The following RPS6KA4 variants were observed in gnomAD, a reference collection of about 807,000 sequenced individuals.
RPS6KA4 encodes ribosomal protein S6 kinase alpha-4.
Under a neutral mutation model 89.6 loss-of-function variants are expected in RPS6KA4, and 38 were observed. The observed-to-expected ratio is 0.42, with a 90% CI of 0.33 to 0.56. The LOEUF (loss-of-function observed/expected upper bound fraction) is 0.56, where lower values mean the gene tolerates loss of function less well. Ranked by LOEUF, RPS6KA4 falls within the 20% of genes least tolerant of loss-of-function variation. RPS6KA4 has a pLI of 0.07. For missense variants in RPS6KA4, 873 were observed against 1,098.8 expected, an observed-to-expected ratio of 0.79 and a Z score of 2.90; for synonymous variants, 495 against 492.8, an observed-to-expected ratio of 1.00 and a Z score of -0.06.
At chr11:64,368,887 G>A in intron 12 of RPS6KA4, 90 bp downstream of exon 12, 14 of 1,243,976 alleles carry the variant, frequency 1.1e-5, no homozygotes, top group Non-Finnish European at 1.5e-5. Context: ...GGGTGAATTG[G>A]GCGGGGCCTA....
At chr11:64,368,657 C>A in intron 11 of RPS6KA4, 47 bp from the exon 12 acceptor site, 1 of 1,572,034 alleles carries the variant, frequency 6.4e-7, no homozygotes. Context: ...GTCCCGGGGG[C>A]GGGGCCGAAG....
rs1239878372 is a variant in RPS6KA4 at position 64,368,597 on chromosome 11, C to G, written c.1330C>G (p.Arg444Gly). ...GGAGTTCGCAGTCAAGATCCTCAGT[C>G]GCAGGTGGGAGGGCCCAGGCGCGGG... ...GQEFAVKILSRRLEANTQREV... is the reference protein window; with the variant it reads ...GQEFAVKILSGRLEANTQREV... Residue 444 changes from arginine (R) to glycine (G), a missense_variant, in exon 11 of 17, where the codon CGC becomes GGC. Arg to Gly is a moderately radical substitution (Grantham distance 125, BLOSUM62 -2). Coordinates refer to ENST00000334205, the MANE Select transcript of RPS6KA4 (RefSeq NM_003942.3). The G allele has an allele frequency of 6.3e-7, 1 of 1,598,922 alleles. No homozygotes were observed. Among genetic ancestry groups the G allele is most frequent in the African/African-American group, 1.3e-5 (1 of 74,742 alleles).
At chr11:64,368,860 C>A in intron 12 of RPS6KA4, 63 bp downstream of exon 12, 2 of 1,416,998 alleles carry the variant, frequency 1.4e-6, no homozygotes, top group Non-Finnish European at 1.9e-6. Flanking sequence ...CTTGGGGGCA[C>A]TATGGGCGGG....
At chr11:64,365,527 C>T (rs923921659) in intron 9 of RPS6KA4, 62 bp downstream of exon 9, 3 of 1,584,140 alleles carry the variant, frequency 1.9e-6, no homozygotes, top group African/African-American at 2.7e-5. Flanking sequence ...CTGCCTCAGC[C>T]CTGGCTGGCC....
chr11:64,371,494 G>T lies in RPS6KA4; in HGVS notation c.*14G>T. 9.8e-7 allele frequency: 1 copy of T among 1,023,960 alleles called. No homozygotes were observed. Among genetic ancestry groups the T allele is most frequent in the South Asian group, 1.5e-5 (1 of 67,930 alleles). The allele number at this position is 1,023,960 out of a possible 1,614,324, so 63.4% of individuals were successfully genotyped here. A position where few individuals can be genotyped will look rare whatever the true frequency, so the allele number is the denominator to read the frequency against. ...CCCCCCTCCTAATCCCCACCACTGT[G>T]ACCCCCTTCCCTCATAGGGGCTGTG... On this transcript the variant is annotated 3_prime_UTR_variant, in exon 17 of 17. Transcript: ENST00000334205.
At chr11:64,368,935 A>C (rs950974848) in intron 12 of RPS6KA4, 138 bp downstream of exon 12, 1 of 793,618 alleles carries the variant, frequency 1.3e-6, no homozygotes, top group Non-Finnish European at 2.0e-6. Context: ...AGGGAGGCGC[A>C]GGGAGTGGAA....
Position 64,370,122 on chromosome 11 carries a change from C to T in RPS6KA4, c.1798-103C>T. 1 of 1,369,572 alleles carries T rather than the reference C, an allele frequency of 7.3e-7. No homozygotes were observed. The highest frequency in any genetic ancestry group is 9.8e-7 in the Non-Finnish European group (1 of 1,019,886). The allele number at this position is 1,369,572 out of a possible 1,614,324, so 84.8% of individuals were successfully genotyped here. A position where few individuals can be genotyped will look rare whatever the true frequency, so the allele number is the denominator to read the frequency against. On this transcript the variant is annotated intron_variant, in intron 14 of 16. Transcript: ENST00000334205. The surrounding 1 kb of genome is among the most constrained non-coding windows in gnomAD (Gnocchi z 4.1). ...GTCAGGGTTCACCACGCGTGGGTCTCAGGAGTGCCCCTAGTGGGGAGGGTG... is the reference window on the plus strand; with the variant it reads ...GTCAGGGTTCACCACGCGTGGGTCTTAGGAGTGCCCCTAGTGGGGAGGGTG...
chr11:64,360,887 C>T, intron 4 of RPS6KA4: 5 of 567,780 alleles, frequency 8.8e-6, no homozygotes, highest in Admixed American at 3.2e-5. Flanking sequence ...CCTAAGGCCT[C>T]CTTGAAATGG....
Position 64,370,578 on chromosome 11 carries a change from A to T in RPS6KA4, c.1973A>T (p.Asp658Val). ...CCGCCTCCAGGGCTCCTGACCGTGG[A>T]CCCCGCCAAGCGGCTGAAGCTCGAG... ...KELVRGLLTVDPAKRLKLEGL... is the reference protein window; with the variant it reads ...KELVRGLLTVVPAKRLKLEGL... Residue 658 changes from aspartate to valine, a missense_variant, in exon 16 of 17, where the codon GAC becomes GTC. Coordinates refer to ENST00000334205, the MANE Select transcript of RPS6KA4 (RefSeq NM_003942.3). The surrounding 1 kb of genome is among the most constrained non-coding windows in gnomAD (Gnocchi z 4.1). 6.3e-7 allele frequency: 1 copy of T among 1,591,988 alleles called. No individual in the cohort carries two copies. Among genetic ancestry groups the T allele is most frequent in the Non-Finnish European group, 8.5e-7 (1 of 1,175,830 alleles).
rs182559993 is a variant in RPS6KA4 at position 64,362,249 on chromosome 11, C to A, written c.906+247C>A. Among the ~76,000 whole-genome samples, 160 of 152,350 alleles carry A rather than the reference C, an allele frequency of 1.1e-3. 1 individual carries two copies. Among genetic ancestry groups the A allele is most frequent in the Non-Finnish European group, 5.9e-4 (40 of 68,032 alleles). On this transcript the variant is annotated intron_variant, in intron 8 of 16. Coordinates refer to ENST00000334205, the MANE Select transcript of RPS6KA4 (RefSeq NM_003942.3). ...GTCAGGGATTTGAGAATGGATTGGT[C>A]GGTCCTTTCACTGGACAGACCCAGA...
intron 8 of RPS6KA4, 56 bp from the exon 9 acceptor site, chr11:64,365,245 G>C: frequency 6.3e-7 from 1 of 1,576,246 alleles, no homozygotes; most frequent in Non-Finnish European, 8.6e-7. Context: ...GGGCTGAGTG[G>C]AGGGAGTTTC....
rs775503713 is a variant in RPS6KA4 at position 64,369,808 on chromosome 11, T to A, written c.1712T>A (p.Phe571Tyr). The change falls in exon 14 of 17, where the codon TTC becomes TAC. Residue 571 changes from phenylalanine to tyrosine, a missense_variant. Physicochemically the swap from Phe to Tyr is conservative, Grantham distance 22 (BLOSUM62 3). Coordinates refer to ENST00000334205, the MANE Select transcript of RPS6KA4 (RefSeq NM_003942.3). The stretch of plus-strand genomic sequence containing the variant: ...GGGGTGCCCATGCAGACGCCCTGCT[T>A]CACGCTGCAGTACGCTGCCCCCGAG... The part of the protein sequence containing the change: ...SPGVPMQTPC[F>Y]TLQYAAPELL... 32 of 1,606,674 alleles carry A rather than the reference T, an allele frequency of 2.0e-5. No individual in the cohort carries two copies. The East Asian group carries it at 6.3e-4, about 32-fold the overall frequency.
In RPS6KA4 at chr11:64,368,228, C is replaced by T; in HGVS notation, c.1168C>T (p.Arg390Trp). The change falls in exon 10 of 17, where the codon CGG (arginine) becomes TGG (tryptophan). Residue 390 changes from arginine to tryptophan, a missense_variant. Arg to Trp is a moderately radical substitution (Grantham distance 101). This residue lies in a region of RPS6KA4 where 542 missense variants were observed against 736.4 expected (regional missense o/e 0.74). Coordinates refer to ENST00000334205, the MANE Select transcript of RPS6KA4 (RefSeq NM_003942.3). ...EAPGAGDRPG[R>W]AAVARSAMMQ... ...GCCTGGTGCTGGAGACCGGCCAGGT[C>T]GGGCAGCGGTGGCCAGGAGCGCTAT... 6.2e-7 allele frequency: 1 copy of T among 1,612,062 alleles called. No individual in the cohort carries two copies. The highest frequency in any genetic ancestry group is 1.1e-5 in the South Asian group (1 of 90,778).
Position 64,371,387 on chromosome 11 carries a change from C to T in RPS6KA4, c.2226C>T (p.Arg742=). The part of the protein sequence containing the change: ...KQKLRSATAS[R]RGSPAPANPG... ...AGCTGCGGAGCGCCACCGCCTCCCGCCGGGGCTCCCCTGCACCAGCCAACC... is the reference window on the plus strand; with the variant it reads ...AGCTGCGGAGCGCCACCGCCTCCCGTCGGGGCTCCCCTGCACCAGCCAACC... Residue 742 remains arginine, a synonymous_variant, in exon 17 of 17, where the codon CGC becomes CGT. Transcript: ENST00000334205. The T allele has an allele frequency of 6.2e-7, 1 of 1,612,052 alleles. No individual in the cohort carries two copies. Among genetic ancestry groups the T allele is most frequent in the East Asian group, 2.2e-5 (1 of 44,850 alleles).
chr11:64,361,133 G>A lies in RPS6KA4; in HGVS notation c.463-1G>A. 1 of 1,612,730 alleles carries A rather than the reference G, an allele frequency of 6.2e-7. No individual in the cohort carries two copies. The highest frequency in any genetic ancestry group is 1.3e-5 in the African/African-American group (1 of 75,042). On this transcript the variant is annotated splice_acceptor_variant, in intron 4 of 16. Transcript: ENST00000334205. LOFTEE classifies it high-confidence loss of function. This position sits in a 1 kb window ranked among gnomAD's most constrained non-coding sequence, Gnocchi z 4.7. ...CTCAGCACCCCTCTTGCTCCTACCAGCTCGGCATCATTTACCGAGACCTGA... is the reference window on the plus strand; with the variant it reads ...CTCAGCACCCCTCTTGCTCCTACCAACTCGGCATCATTTACCGAGACCTGA...
intron 10 of RPS6KA4, 81 bp from the exon 11 acceptor site, chr11:64,368,387 T>C (rs1476788332): frequency 6.5e-7 from 1 of 1,542,352 alleles, no homozygotes. Context: ...CTCTCCGACA[T>C]GGGGCGTGGC....
chr11:64,365,367 G>A lies in RPS6KA4; in HGVS notation c.973G>A (p.Glu325Lys). 6.2e-7 allele frequency: 1 copy of A among 1,614,152 alleles called. No homozygotes were observed. The highest frequency in any genetic ancestry group is 8.5e-7 in the Non-Finnish European group (1 of 1,180,028). The change falls in exon 9 of 17, where the codon GAG becomes AAG. Residue 325 changes from glutamate to lysine, a missense_variant. Coordinates refer to ENST00000334205, the MANE Select transcript of RPS6KA4 (RefSeq NM_003942.3). ...PAPFRPQIRSELDVGNFAEEF... is the reference protein window; with the variant it reads ...PAPFRPQIRSKLDVGNFAEEF... ...CCCATTCCGGCCCCAAATCCGCTCA[G>A]AGCTGGATGTGGGCAACTTTGCGGA...
chr11:64,359,205 G>A lies in RPS6KA4; in HGVS notation c.-31G>A, dbSNP rs2036666395. On this transcript the variant is annotated 5_prime_UTR_variant, in exon 1 of 17. Transcript: ENST00000334205. Reference sequence around the variant, plus strand: ...ATGTAACCGGCGCCGCCCGGAGCCCGAGCCGCGCGGGCCCCAGCGACCCGC... The same window carrying A: ...ATGTAACCGGCGCCGCCCGGAGCCCAAGCCGCGCGGGCCCCAGCGACCCGC... 2.3e-6 allele frequency: 3 copies of A among 1,286,912 alleles called. No homozygotes were observed. 79.7% of individuals were successfully genotyped at this position (1,286,912 alleles called of 1,614,324 possible).
rs768947255 is a variant in RPS6KA4 at position 64,361,834 on chromosome 11, C to T, written c.756-18C>T. 2 of 1,582,320 alleles carry T rather than the reference C, an allele frequency of 1.3e-6. No homozygotes were observed. Among genetic ancestry groups the T allele is most frequent in the Admixed American group, 3.8e-5 (2 of 51,994 alleles). ...GGTGGGGGGCTTGCTGCCCCTGACA[C>T]CCCCCCAATCCTCCCAGACGGATCC... On this transcript the variant is annotated intron_variant, in intron 7 of 16. Coordinates refer to ENST00000334205, the MANE Select transcript of RPS6KA4 (RefSeq NM_003942.3). The surrounding 1 kb of genome is among the most constrained non-coding windows in gnomAD (Gnocchi z 4.7).
Sources: allele counts gnomAD v4.1 joint callset (sites outside exome capture counted in the v4.1 genomes callset), GRCh38; gene constraint gnomAD v4.1.1; regional missense constraint gnomAD v4.1.1; non-coding constraint Gnocchi (gnomAD v3.1); transcripts MANE v1.5; gene names NCBI Gene and HGNC (gene_info 2026-07-23, HGNC 2026-07-21).